ZEB2: variants seen among roughly 807,000 people sequenced by gnomAD.
The protein encoded by ZEB2 is zinc finger E-box-binding homeobox 2.
Under a neutral mutation model 99.9 loss-of-function variants are expected in ZEB2, and 6 were observed. The ratio of observed to expected loss-of-function variants is 0.06; its 90% CI spans 0.03 to 0.12. ZEB2 has a LOEUF of 0.12. Ranked by LOEUF, ZEB2 falls within the 10% of genes least tolerant of loss-of-function variation. The probability of loss-of-function intolerance (pLI) is 1.00; values close to 1 mark genes in which losing one functional copy is unlikely to be tolerated. For synonymous variants in ZEB2, 517 were observed against 542.5 expected (o/e 0.95, Z 0.65); for missense variants, 969 against 1,502.8 (o/e 0.64, Z 5.87).
chr2:144,393,638 T>C (rs1703182285), intron 9 of ZEB2, among the ~76,000 whole-genome samples: 1 of 152,160 alleles, frequency 6.6e-6, no homozygotes, highest in African/African-American at 2.4e-5. Flanking sequence ...AATTTCCACA[T>C]ACATCACATC....
chr2:144,390,107 A>G (rs775490126), intron 9 of ZEB2, 79 bp from the exon 10 acceptor site: 3 of 1,443,872 alleles, frequency 2.1e-6, no homozygotes, highest in Non-Finnish European at 2.9e-6. Flanking sequence ...ACGCGAGTCC[A>G]GACTCAGGCA....
intron 2 of ZEB2, among the ~76,000 whole-genome samples, chr2:144,480,475 CT>C (rs1465580418): frequency 6.6e-6 from 1 of 152,102 alleles, no homozygotes; most frequent in Non-Finnish European, 1.5e-5. Context: ...TAGGAAAGAA[CT>C]TTTCTTAACT....
intron 9 of ZEB2, among the ~76,000 whole-genome samples, chr2:144,390,782 A>G (rs1703145612): frequency 6.6e-6 from 1 of 152,224 alleles, no homozygotes; most frequent in Admixed American, 6.5e-5. Flanking sequence ...TTGGCATTCC[A>G]GGCAGTTTCT....
intron 2 of ZEB2, among the ~76,000 whole-genome samples, chr2:144,509,362 A>AT (rs1228055314): frequency 1.3e-5 from 2 of 152,070 alleles, no homozygotes; most frequent in African/African-American, 4.8e-5. Context: ...TGCTTGGGTC[A>AT]TGGGGGTGGA....
intron 2 of ZEB2, among the ~76,000 whole-genome samples, chr2:144,492,209 T>C (rs1279711270): frequency 6.6e-6 from 1 of 152,220 alleles, no homozygotes; most frequent in Admixed American, 6.5e-5. Context: ...TGATTGTGAT[T>C]CTAAGTACAG....
intron 4 of ZEB2, among the ~76,000 whole-genome samples, chr2:144,413,123 T>C (rs1160073043): frequency 4.6e-5 from 7 of 152,202 alleles, no homozygotes; most frequent in African/African-American, 1.7e-4. Context: ...TCAGTTTGCT[T>C]TTTCTTTACT....
At chr2:144,390,197 C>A (rs553464201) in intron 9 of ZEB2, among the ~76,000 whole-genome samples, 169 bp from the exon 10 acceptor site, 13 of 152,270 alleles carry the variant, frequency 8.5e-5, no homozygotes, top group African/African-American at 2.9e-4. Flanking sequence ...ATTTCCATCC[C>A]ACAATTTGGT....
intron 2 of ZEB2, among the ~76,000 whole-genome samples, chr2:144,489,906 T>G (rs1331419734): frequency 6.6e-6 from 1 of 152,240 alleles, no homozygotes; most frequent in Non-Finnish European, 1.5e-5. Context: ...CAGTGGACAT[T>G]CCTTCTGAAA....
intron 4 of ZEB2, among the ~76,000 whole-genome samples, chr2:144,420,270 G>GT (rs1703602140): frequency 6.6e-6 from 1 of 152,182 alleles, no homozygotes; most frequent in African/African-American, 2.4e-5. Flanking sequence ...GTCTTGCTCT[G>GT]TCACCCAGGC....
intron 9 of ZEB2, 48 bp downstream of exon 9, chr2:144,396,364 G>A (rs1703229346): frequency 6.3e-7 from 1 of 1,599,688 alleles, no homozygotes; most frequent in Non-Finnish European, 8.6e-7. Flanking sequence ...ATTATGAAAT[G>A]TACAGCAGGA....
chr2:144,434,548 C>T (rs1703812981), intron 2 of ZEB2, among the ~76,000 whole-genome samples: 2 of 152,168 alleles, frequency 1.3e-5, no homozygotes, highest in Admixed American at 6.6e-5. Flanking sequence ...CAAAAACATA[C>T]ATGATAATAC....
At chr2:144,398,159 A>C in intron 8 of ZEB2, 142 bp downstream of exon 8, 2 of 996,986 alleles carry the variant, frequency 2.0e-6, no homozygotes, top group East Asian at 2.7e-5. Flanking sequence ...GTTCTAGCCC[A>C]CTGATGGTTT....
intron 2 of ZEB2, among the ~76,000 whole-genome samples, chr2:144,457,005 C>A (rs1233569616): frequency 2.6e-5 from 4 of 152,180 alleles, no homozygotes; most frequent in Non-Finnish European, 5.9e-5. Context: ...GCCAGAGCAG[C>A]ACCCCCCAAA....
intron 2 of ZEB2, among the ~76,000 whole-genome samples, chr2:144,441,721 T>C (rs1424610488): frequency 6.6e-6 from 1 of 152,170 alleles, no homozygotes; most frequent in African/African-American, 2.4e-5. Context: ...GCCACCTTTT[T>C]CTCTGTTAGC....
At chr2:144,516,225 C>CT (rs1191504045) in intron 2 of ZEB2, 13 of 147,294 alleles carry the variant, frequency 8.8e-5, no homozygotes, top group Admixed American at 8.1e-4. Flanking sequence ...CTCCCCCACC[C>CT]CCCCCCGGCA....
intron 2 of ZEB2, among the ~76,000 whole-genome samples, chr2:144,482,952 T>C (rs1475745793): frequency 6.6e-6 from 1 of 152,204 alleles, no homozygotes; most frequent in Non-Finnish European, 1.5e-5. Flanking sequence ...TTTAAATATC[T>C]GTTAGCTTCC....
intron 4 of ZEB2, among the ~76,000 whole-genome samples, chr2:144,414,077 C>G (rs1254119635): frequency 6.6e-6 from 1 of 152,198 alleles, no homozygotes; most frequent in Non-Finnish European, 1.5e-5. Flanking sequence ...CCTGGCACCA[C>G]TGTATTTCTT....
At chr2:144,432,010 A>C (rs546820346) in intron 2 of ZEB2, among the ~76,000 whole-genome samples, 16 of 152,124 alleles carry the variant, frequency 1.1e-4, no homozygotes, top group Admixed American at 4.6e-4. Flanking sequence ...AAAAAAAAAA[A>C]AAAAAACCCA....
chr2:144,480,470 A>G (rs1214134086), intron 2 of ZEB2, among the ~76,000 whole-genome samples: 2 of 152,200 alleles, frequency 1.3e-5, no homozygotes, highest in African/African-American at 2.4e-5. Context: ...CAAGTTAGGA[A>G]AGAACTTTTC....
Sources: allele counts gnomAD v4.1 joint callset (sites outside exome capture counted in the v4.1 genomes callset), GRCh38; gene constraint gnomAD v4.1.1; transcripts MANE v1.5; gene names NCBI Gene and HGNC (gene_info 2026-07-23, HGNC 2026-07-21).